The following ADAMTS17 variants were observed in gnomAD, a reference collection of about 807,000 sequenced individuals.
The protein encoded by ADAMTS17 is ADAM metallopeptidase with thrombospondin type 1 motif 17, also known as A disintegrin and metalloproteinase with thrombospondin motifs 17.
In ADAMTS17, 113 loss-of-function variants were observed where a neutral mutation model predicts 141.5. That is an observed-to-expected ratio of 0.80 (90% CI 0.69 to 0.93). The LOEUF is 0.93. Among genes scored for constraint, ADAMTS17 ranks in the 40% least tolerant of loss-of-function variants. The probability of loss-of-function intolerance (pLI) is 0.00; values close to 1 mark genes in which losing one functional copy is unlikely to be tolerated. For synonymous variants in ADAMTS17, 768 were observed against 630.6 expected (o/e 1.22, Z -3.27); for missense variants, 1,659 against 1,517.9 (o/e 1.09, Z -1.54).
At position 100,048,972 on chromosome 15, in the gene ADAMTS17, A is replaced by G; in HGVS notation, c.2476T>C (p.Ser826Pro). Residue 826 changes from serine (S) to proline (P), a missense_variant, in exon 18 of 22, where the codon TCG becomes CCG. Transcript: ENST00000268070. ...CGGGERRTIV[S>P]CTRIVNKTTT... ...GTCTTGTTGACAATCCGTGTACACG[A>G]GACGATGGTTCTGCGCTCCCCTGGA... The G allele has an allele frequency of 6.2e-7, 1 of 1,614,174 alleles. No homozygotes were observed. The highest frequency in any genetic ancestry group is 8.5e-7 in the Non-Finnish European group (1 of 1,180,030).
At chr15:100,146,081 G>A (rs577020948) in intron 10 of ADAMTS17, among the ~76,000 whole-genome samples, 1 of 152,346 alleles carries the variant, frequency 6.6e-6, no homozygotes, top group African/African-American at 2.4e-5. Context: ...GCTGAGACAG[G>A]AGAATCACTT....
intron 7 of ADAMTS17, among the ~76,000 whole-genome samples, chr15:100,205,779 A>C (rs1216284656): frequency 6.6e-6 from 1 of 152,196 alleles, no homozygotes; most frequent in Non-Finnish European, 1.5e-5. Context: ...CGCCTAGGGG[A>C]AGCAGCCTCC....
At chr15:100,219,046 G>A (rs147743988) in intron 7 of ADAMTS17, among the ~76,000 whole-genome samples, 20 of 152,290 alleles carry the variant, frequency 1.3e-4, no homozygotes, top group African/African-American at 1.9e-4. Context: ...AGGTTAAAGC[G>A]TAGATGACCC....
intron 14 of ADAMTS17, among the ~76,000 whole-genome samples, chr15:100,099,452 G>A (rs1482580082): frequency 6.6e-6 from 1 of 152,178 alleles, no homozygotes; most frequent in Non-Finnish European, 1.5e-5. Flanking sequence ...GAATATTAGG[G>A]GAGCTTTGAT....
chr15:100,270,688 A>G (rs921403646), intron 4 of ADAMTS17, among the ~76,000 whole-genome samples: 1 of 151,262 alleles, frequency 6.6e-6, no homozygotes, highest in Non-Finnish European at 1.5e-5. Context: ...GCCTACCTTG[A>G]TGAGCTTATG....
chr15:99,974,345 C>A lies in ADAMTS17; in HGVS notation c.*57G>T. 2 of 1,610,174 alleles carry A rather than the reference C, an allele frequency of 1.2e-6. No homozygotes were observed. Among genetic ancestry groups the A allele is most frequent in the South Asian group, 1.1e-5 (1 of 90,928 alleles). On this transcript the variant is annotated 3_prime_UTR_variant, in exon 22 of 22. Coordinates refer to ENST00000268070, the MANE Select transcript of ADAMTS17 (RefSeq NM_139057.4). ...CGTGGCCACAAGGCTGGTAGGCTTG[C>A]GGGTGGGTGGGTTTCAGACCTGAGT...
intron 15 of ADAMTS17, 86 bp downstream of exon 15, chr15:100,096,270 G>A (rs2035750338): frequency 6.3e-7 from 1 of 1,595,228 alleles, no homozygotes; most frequent in East Asian, 2.2e-5. Flanking sequence ...CCTTAAATAT[G>A]AAATGTAGGG....
intron 10 of ADAMTS17, among the ~76,000 whole-genome samples, chr15:100,136,024 T>C (rs2038313066): frequency 6.6e-6 from 1 of 152,172 alleles, no homozygotes; most frequent in Admixed American, 6.5e-5. Flanking sequence ...TTGGCAGTAT[T>C]TGCTAAAGCT....
intron 14 of ADAMTS17, among the ~76,000 whole-genome samples, chr15:100,100,524 T>G (rs1426870816): frequency 6.6e-6 from 1 of 152,190 alleles, no homozygotes; most frequent in Admixed American, 6.5e-5. Context: ...CCCCTGCCAC[T>G]GTCTTGGAAC....
rs147831684 is a variant in ADAMTS17, at chr15:100,232,542, G to A, written c.1075+21594C>T. On this transcript the variant is annotated intron_variant, in intron 7 of 21. Transcript: ENST00000268070. ...TTAACATGAAACACGCTGGTGGGACGTAGATGCCCAATCGGCTATTCCCTT... is the reference window on the plus strand; with the variant it reads ...TTAACATGAAACACGCTGGTGGGACATAGATGCCCAATCGGCTATTCCCTT... Among the ~76,000 whole-genome samples, 11 of 152,360 alleles carry A rather than the reference G, an allele frequency of 7.2e-5. No individual in the cohort carries two copies. The East Asian group carries it at 1.5e-3, about 21-fold the overall frequency.
At chr15:99,975,950 G>C (rs192057134) in intron 21 of ADAMTS17, 95 bp downstream of exon 21, 8 of 1,366,062 alleles carry the variant, frequency 5.9e-6, no homozygotes, top group East Asian at 5.1e-5. Context: ...CCCAAGAAGG[G>C]GCTTTCTGGC....
intron 15 of ADAMTS17, among the ~76,000 whole-genome samples, chr15:100,062,586 T>C (rs954547907): frequency 6.6e-6 from 1 of 152,184 alleles, no homozygotes; most frequent in African/African-American, 2.4e-5. Flanking sequence ...GACTTTTGCA[T>C]AGTCTATAAA....
chr15:99,993,019 G>C lies in ADAMTS17; in HGVS notation c.2949+29C>G. ...CCTCGAGCCCCCTGCACTGCGGCAC[G>C]GAGAGAAATGCCAGCAGGCTGCTCT... On this transcript the variant is annotated intron_variant, in intron 20 of 21. Coordinates refer to ENST00000268070, the MANE Select transcript of ADAMTS17 (RefSeq NM_139057.4). The surrounding 1 kb of genome is among the most constrained non-coding windows in gnomAD (Gnocchi z 4.3). 6.2e-7 allele frequency: 1 copy of C among 1,613,768 alleles called. No homozygotes were observed. The highest frequency in any genetic ancestry group is 8.5e-7 in the Non-Finnish European group (1 of 1,179,992).
At chr15:100,197,103 G>A (rs2041149303) in intron 8 of ADAMTS17, among the ~76,000 whole-genome samples, 1 of 152,204 alleles carries the variant, frequency 6.6e-6, no homozygotes, top group African/African-American at 2.4e-5. Flanking sequence ...GCTGCAGGGA[G>A]GCCAGTGTTT....
rs2060222692 is a variant in ADAMTS17 at position 99,972,156 on chromosome 15, CAGA to C, written c.*2243_*2245del. 6.6e-6 allele frequency: 1 copy of C among 152,304 alleles called. No homozygotes were observed. Among genetic ancestry groups the C allele is most frequent in the Non-Finnish European group, 1.5e-5 (1 of 68,188 alleles). The allele number at this position is 152,304 out of a possible 1,614,324, so 9.4% of individuals were successfully genotyped here. A position where few individuals can be genotyped will look rare whatever the true frequency, so the allele number is the denominator to read the frequency against. ...GTCCCAGCTACTGGGGAGGGTGAGGCAGAAGAATGGCCTGAACCCGGGAGGCGG... is the reference window on the plus strand; with the variant it reads ...GTCCCAGCTACTGGGGAGGGTGAGGCAGAATGGCCTGAACCCGGGAGGCGG... On this transcript the variant is annotated 3_prime_UTR_variant, in exon 22 of 22. Transcript: ENST00000268070.
chr15:100,077,259 C>T (rs138245540), intron 15 of ADAMTS17, among the ~76,000 whole-genome samples: 1,801 of 106,312 alleles, frequency 0.017, 42 homozygotes, highest in African/African-American at 0.06. Context: ...GCCTGGCCAA[C>T]ATGGTGAAAC....
intron 3 of ADAMTS17, among the ~76,000 whole-genome samples, chr15:100,320,688 C>A (rs1338605445): frequency 2.0e-5 from 3 of 152,084 alleles, no homozygotes. Context: ...TAAAAATTAG[C>A]CGGGTGTGGT....
chr15:100,118,283 G>A (rs1166007466), intron 12 of ADAMTS17, among the ~76,000 whole-genome samples: 2 of 152,254 alleles, frequency 1.3e-5, no homozygotes, highest in Non-Finnish European at 2.9e-5. Context: ...CTGGTGGTAA[G>A]CCAGATTTGG....
At chr15:100,108,475 CTCTT>C (rs1277572770) in intron 14 of ADAMTS17, among the ~76,000 whole-genome samples, 3 of 152,160 alleles carry the variant, frequency 2.0e-5, no homozygotes, top group African/African-American at 7.2e-5. Flanking sequence ...CACCCGGCCT[CTCTT>C]TCTTCACTTA....
Sources: allele counts gnomAD v4.1 joint callset (sites outside exome capture counted in the v4.1 genomes callset), GRCh38; gene constraint gnomAD v4.1.1; non-coding constraint Gnocchi (gnomAD v3.1); transcripts MANE v1.5; gene names NCBI Gene and HGNC (gene_info 2026-07-23, HGNC 2026-07-21).